SH3BGRL2: variants seen among roughly 807,000 people sequenced by gnomAD.
SH3BGRL2 encodes SH3 domain-binding glutamic acid-rich-like protein 2.
A neutral mutation model predicts 14.8 loss-of-function variants in SH3BGRL2; 21 were observed. That is an observed-to-expected ratio of 1.42 (90% CI 1.01 to 2.05). The LOEUF (loss-of-function observed/expected upper bound fraction) is 2.05, where lower values mean the gene tolerates loss of function less well. Among genes scored for constraint, SH3BGRL2 ranks in the 30% most tolerant of loss-of-function variants. The pLI, the probability that SH3BGRL2 is intolerant of heterozygous loss-of-function variation, is 0.00. For missense variants in SH3BGRL2, 147 were observed against 130.8 expected (o/e 1.12, Z -0.61); for synonymous variants, 50 against 47.8 (o/e 1.05, Z -0.19).
intron 1 of SH3BGRL2, among the ~76,000 whole-genome samples, chr6:79,656,606 A>C (rs1447532289): frequency 6.6e-6 from 1 of 152,220 alleles, no homozygotes; most frequent in African/African-American, 2.4e-5. Flanking sequence ...ATTCAGAAGA[A>C]AAGAACAGTT....
chr6:79,562,830 AAAAAAAAACTCAT>A, the SH3BGRL2 span, among the ~76,000 whole-genome samples: 1 of 151,542 alleles, frequency 6.6e-6, no homozygotes, highest in Non-Finnish European at 1.5e-5. Context: ...CAAAACTAGC[AAAAAAAAACTCAT>A]AATGTTTTAA....
At chr6:79,654,898 G>T (rs888791226) in intron 1 of SH3BGRL2, among the ~76,000 whole-genome samples, 3 of 152,154 alleles carry the variant, frequency 2.0e-5, no homozygotes, top group Admixed American at 1.3e-4. Flanking sequence ...GAACACTGTG[G>T]CAGTTCTTCC....
intron 1 of SH3BGRL2, among the ~76,000 whole-genome samples, chr6:79,644,925 C>G (rs530211258): frequency 6.6e-6 from 1 of 151,682 alleles, no homozygotes; most frequent in Admixed American, 6.6e-5. Flanking sequence ...TTTGGGAGGC[C>G]GAGATGGGCG....
the SH3BGRL2 span, among the ~76,000 whole-genome samples, chr6:79,603,570 T>C: frequency 9.2e-5 from 14 of 152,154 alleles, no homozygotes; most frequent in African/African-American, 3.4e-4. Context: ...GTGAGAATAT[T>C]CTAAACTGAT....
chr6:79,607,774 G>T, the SH3BGRL2 span, among the ~76,000 whole-genome samples: 1 of 151,956 alleles, frequency 6.6e-6, no homozygotes, highest in Non-Finnish European at 1.5e-5. Context: ...GTGAAACCCC[G>T]CCTCTACTAA....
In SH3BGRL2 at chr6:79,646,929, C is replaced by G. The variant is rs183211826; in HGVS notation, c.45+15423C>G. ...TATGAATGTACCAGAGTTTGTTTAT[C>G]CATTTATCAGTTGATGGATATTTGG... is the stretch of plus-strand genomic sequence containing the variant. On this transcript the variant is annotated intron_variant, in intron 1 of 3. Coordinates refer to ENST00000369838, the MANE Select transcript of SH3BGRL2 (RefSeq NM_031469.4). 2.3e-3 allele frequency among the ~76,000 whole-genome samples: 346 copies of G among 152,260 alleles called. 1 individual carries two copies. The highest frequency in any genetic ancestry group is 8.0e-3 in the African/African-American group (334 of 41,544).
At chr6:79,649,384 G>C (rs1294422557) in intron 1 of SH3BGRL2, among the ~76,000 whole-genome samples, 1 of 152,126 alleles carries the variant, frequency 6.6e-6, no homozygotes, top group Non-Finnish European at 1.5e-5. Flanking sequence ...GTATATTTTA[G>C]AAAGATTTCT....
intron 1 of SH3BGRL2, among the ~76,000 whole-genome samples, chr6:79,634,734 T>C (rs1319029351): frequency 6.6e-6 from 1 of 152,072 alleles, no homozygotes; most frequent in African/African-American, 2.4e-5. Context: ...GGAAAGGTAG[T>C]AAAGTACAGC....
intron 1 of SH3BGRL2, among the ~76,000 whole-genome samples, chr6:79,649,967 A>ACTCTCTCT (rs67263724): frequency 6.8e-6 from 1 of 146,376 alleles, no homozygotes; most frequent in Non-Finnish European, 1.5e-5. Flanking sequence ...GTTCTTATGT[A>ACTCTCTCT]CTCTCTCTCT....
the SH3BGRL2 span, among the ~76,000 whole-genome samples, chr6:79,602,438 C>G: frequency 1.6e-4 from 25 of 152,172 alleles, no homozygotes; most frequent in Non-Finnish European, 3.2e-4. Flanking sequence ...GGAAGTATTC[C>G]TACGAAAGAT....
chr6:79,551,300 C>T, the SH3BGRL2 span, among the ~76,000 whole-genome samples: 1 of 152,068 alleles, frequency 6.6e-6, no homozygotes, highest in Admixed American at 6.6e-5. Context: ...GAGCAGTAGA[C>T]AGTATTGCAA....
At chr6:79,598,812 G>A in the SH3BGRL2 span, among the ~76,000 whole-genome samples, 1 of 152,128 alleles carries the variant, frequency 6.6e-6, no homozygotes, top group Non-Finnish European at 1.5e-5. Flanking sequence ...GCTGGGCGCG[G>A]TGGCTCATGC....
the SH3BGRL2 span, among the ~76,000 whole-genome samples, chr6:79,540,359 C>T: frequency 6.6e-5 from 10 of 151,964 alleles, no homozygotes; most frequent in Non-Finnish European, 1.3e-4. Flanking sequence ...GGCATGAACC[C>T]GGGAGGCGGA....
the SH3BGRL2 span, among the ~76,000 whole-genome samples, chr6:79,624,524 TA>T: frequency 6.6e-6 from 1 of 151,852 alleles, no homozygotes; most frequent in Non-Finnish European, 1.5e-5. Flanking sequence ...AATTAGGCCA[TA>T]ATTTCCATGA....
At chr6:79,544,784 G>A in the SH3BGRL2 span, among the ~76,000 whole-genome samples, 9 of 152,148 alleles carry the variant, frequency 5.9e-5, no homozygotes, top group Non-Finnish European at 1.0e-4. Context: ...TTGTGTAGCA[G>A]ATACTGGTTC....
chr6:79,676,852 G>GTATC (rs1183209877), intron 2 of SH3BGRL2, among the ~76,000 whole-genome samples: 1 of 152,004 alleles, frequency 6.6e-6, no homozygotes, highest in Non-Finnish European at 1.5e-5. Flanking sequence ...AGCTGTCTAT[G>GTATC]TATCTTTGCC....
intron 1 of SH3BGRL2, among the ~76,000 whole-genome samples, chr6:79,644,757 T>C (rs1210850456): frequency 6.6e-6 from 1 of 152,198 alleles, no homozygotes; most frequent in South Asian, 2.1e-4. Context: ...TTATTATTAT[T>C]GAGTGTCATT....
chr6:79,602,562 A>G, the SH3BGRL2 span, among the ~76,000 whole-genome samples: 1 of 152,204 alleles, frequency 6.6e-6, no homozygotes, highest in Admixed American at 6.6e-5. Context: ...ATGCTTAAGT[A>G]AGAGCCCACT....
the SH3BGRL2 span, among the ~76,000 whole-genome samples, chr6:79,542,503 A>G: frequency 0.018 from 2,816 of 152,244 alleles, 83 homozygotes; most frequent in African/African-American, 0.065. Flanking sequence ...TCTTGACCTC[A>G]GGTGATCCAC....
Sources: allele counts gnomAD v4.1 joint callset (sites outside exome capture counted in the v4.1 genomes callset), GRCh38; gene constraint gnomAD v4.1.1; transcripts MANE v1.5; gene names NCBI Gene and HGNC (gene_info 2026-07-23, HGNC 2026-07-21).